The following CHST15 variants were observed in gnomAD, a reference collection of about 807,000 sequenced individuals.
The protein encoded by CHST15 is B cell RAG associated protein (GALNAC4S-6ST).
A neutral mutation model predicts 53.6 loss-of-function variants in CHST15; 30 were observed. The observed-to-expected ratio is 0.56, with a 90% CI of 0.42 to 0.76. The LOEUF is 0.76. Among genes scored for constraint, CHST15 ranks in the 30% least tolerant of loss-of-function variants. The pLI, the probability that CHST15 is intolerant of heterozygous loss-of-function variation, is 0.00. For synonymous variants in CHST15, 296 were observed against 289.8 expected, an observed-to-expected ratio of 1.02 and a Z score of -0.22; for missense variants, 627 against 740.5, an observed-to-expected ratio of 0.85 and a Z score of 1.78.
intron 4 of CHST15, among the ~76,000 whole-genome samples, chr10:124,040,601 A>C (rs888214474): frequency 2.6e-5 from 4 of 152,172 alleles, no homozygotes; most frequent in Non-Finnish European, 5.9e-5. Flanking sequence ...GAATCTAACA[A>C]AGAGGAAGCG....
At chr10:124,015,190 AG>A (rs769580867) in intron 6 of CHST15, among the ~76,000 whole-genome samples, 3 of 152,218 alleles carry the variant, frequency 2.0e-5, no homozygotes, top group Non-Finnish European at 2.9e-5. Context: ...CCATGAAGAC[AG>A]GACAAAGACA....
intron 1 of CHST15, among the ~76,000 whole-genome samples, chr10:124,085,450 T>C (rs1046222041): frequency 3.3e-5 from 5 of 152,226 alleles, no homozygotes; most frequent in African/African-American, 4.8e-5. Context: ...CTCGACTCCT[T>C]GGGAAATTGA....
In CHST15 at chr10:124,020,267, C is replaced by T. The variant is rs145365662; in HGVS notation, c.1347+989G>A. The T allele has an allele frequency of 8.6e-5, 85 of 985,538 alleles. 1 individual carries two copies. In the Admixed American group the frequency reaches 4.4e-3, roughly 51 times the overall value. The allele number at this position is 985,538 out of a possible 1,614,324, so 61.0% of individuals were successfully genotyped here. A position where few individuals can be genotyped will look rare whatever the true frequency, so the allele number is the denominator to read the frequency against. ...AGTCTCAGAAAGGCTGAGACAACTGCCTAGAGTCACAGAGCCAGCAAATGG... is the reference window on the plus strand; with the variant it reads ...AGTCTCAGAAAGGCTGAGACAACTGTCTAGAGTCACAGAGCCAGCAAATGG... On this transcript the variant is annotated intron_variant, in intron 6 of 7. Coordinates refer to ENST00000435907, the MANE Select transcript of CHST15 (RefSeq NM_001270764.2).
chr10:124,068,512 G>A (rs2134144351), intron 1 of CHST15, among the ~76,000 whole-genome samples: 1 of 152,274 alleles, frequency 6.6e-6, no homozygotes, highest in Admixed American at 6.5e-5. Context: ...GATGGGCCGG[G>A]TACATGTCCA....
chr10:124,057,868 ACAG>A (rs1164825857), intron 1 of CHST15, among the ~76,000 whole-genome samples: 3 of 152,102 alleles, frequency 2.0e-5, no homozygotes, highest in African/African-American at 7.2e-5. Flanking sequence ...TGGGCCAAAC[ACAG>A]CAGATGTCCC....
At position 124,021,294 on chromosome 10, in the gene CHST15, C is replaced by T. The variant is rs779887614; in HGVS notation, c.1309G>A (p.Ala437Thr). ...TTGAGGGTGTTGTTGTAGACGCAGGCGCGCAGTGAATAATCAAGCATGCAA... is the reference window on the plus strand; with the variant it reads ...TTGAGGGTGTTGTTGTAGACGCAGGTGCGCAGTGAATAATCAAGCATGCAA... ...ENCMLDYSLR[A>T]CVYNNTLNNA... The change falls in exon 6 of 8, where the codon GCC becomes ACC. Residue 437 changes from alanine (A) to threonine (T), a missense_variant. By Grantham distance (58) the Ala-to-Thr change is moderately conservative. This residue lies in a region of CHST15 where 279 missense variants were observed against 371.6 expected (regional missense o/e 0.75). Transcript: ENST00000435907. The T allele has an allele frequency of 1.6e-5, 25 of 1,611,686 alleles. No individual in the cohort carries two copies. The highest frequency in any genetic ancestry group is 6.7e-5 in the Admixed American group (4 of 59,810).
intron 1 of CHST15, among the ~76,000 whole-genome samples, chr10:124,086,634 G>A (rs570662247): frequency 2.0e-5 from 3 of 151,322 alleles, no homozygotes; most frequent in African/African-American, 4.9e-5. Context: ...AACAGCCATC[G>A]CATGTGGATT....
intron 1 of CHST15, among the ~76,000 whole-genome samples, chr10:124,067,269 C>T (rs1303248131): frequency 1.3e-5 from 2 of 152,260 alleles, no homozygotes; most frequent in East Asian, 1.9e-4. Flanking sequence ...TCACATCATT[C>T]GTGGAAATCT....
At chr10:124,070,438 G>C (rs752336313) in intron 1 of CHST15, among the ~76,000 whole-genome samples, 5 of 152,176 alleles carry the variant, frequency 3.3e-5, no homozygotes, top group Non-Finnish European at 5.9e-5. Flanking sequence ...GAGTGCAGTG[G>C]CTCGATCTCG....
At chr10:124,040,491 GAACCTCTTGTGTGACTCTAGCTGTCAAA>G (rs1313213486) in intron 4 of CHST15, among the ~76,000 whole-genome samples, 1 of 152,180 alleles carries the variant, frequency 6.6e-6, no homozygotes, top group Non-Finnish European at 1.5e-5. Flanking sequence ...CTTGAATCCT[GAACCTCTTGTGTGACTCTAGCTGTCAAA>G]AAGACAGCAG....
At chr10:124,064,535 C>T (rs573939751) in intron 1 of CHST15, among the ~76,000 whole-genome samples, 3 of 152,282 alleles carry the variant, frequency 2.0e-5, no homozygotes, top group African/African-American at 7.2e-5. Flanking sequence ...ACCACGAGAT[C>T]ATGAAACAAC....
At chr10:124,084,530 G>A (rs1254591302) in intron 1 of CHST15, among the ~76,000 whole-genome samples, 4 of 151,998 alleles carry the variant, frequency 2.6e-5, no homozygotes, top group Non-Finnish European at 4.4e-5. Context: ...AGAACAGGCC[G>A]AGGCCAGACC....
chr10:124,042,575 GC>G, intron 3 of CHST15, 128 bp from the exon 4 acceptor site: 1 of 1,027,112 alleles, frequency 9.7e-7, no homozygotes, highest in Non-Finnish European at 1.4e-6. Flanking sequence ...AAGAGGCTCA[GC>G]CCAGGTAAGC....
rs1946900255 is a variant in CHST15 at position 124,024,101 on chromosome 10, T to C, written c.1191-2689A>G. ...CTCAGGTGATCCACCCACCTCAGCC[T>C]CCCAAAGTGCTGGGATTACGGGCGT... On this transcript the variant is annotated intron_variant, in intron 5 of 7. Coordinates refer to ENST00000435907, the MANE Select transcript of CHST15 (RefSeq NM_001270764.2). The surrounding 1 kb of genome is among the most constrained non-coding windows in gnomAD (Gnocchi z 4.0). Among the ~76,000 whole-genome samples the C allele has an allele frequency of 6.6e-6, 1 of 152,122 alleles. No individual in the cohort carries two copies. The highest frequency in any genetic ancestry group is 1.5e-5 in the Non-Finnish European group (1 of 68,012).
intron 1 of CHST15, among the ~76,000 whole-genome samples, chr10:124,057,057 C>G (rs1948409410): frequency 6.6e-6 from 1 of 152,242 alleles, no homozygotes; most frequent in African/African-American, 2.4e-5. Context: ...TTCAGAGCAG[C>G]AAAGGAGGGA....
At chr10:124,015,479 C>T (rs192141382) in intron 6 of CHST15, among the ~76,000 whole-genome samples, 202 of 152,108 alleles carry the variant, frequency 1.3e-3, no homozygotes, top group Admixed American at 2.5e-3. Context: ...TGGAGCTTGT[C>T]CCCCATGCAG....
chr10:124,082,011 A>G (rs1949261591), intron 1 of CHST15, among the ~76,000 whole-genome samples: 1 of 152,212 alleles, frequency 6.6e-6, no homozygotes, highest in Non-Finnish European at 1.5e-5. Context: ...AGAACTAGAA[A>G]GATGCTGGCG....
intron 5 of CHST15, among the ~76,000 whole-genome samples, chr10:124,029,521 G>C (rs1318927749): frequency 6.6e-6 from 1 of 152,164 alleles, no homozygotes; most frequent in African/African-American, 2.4e-5. Context: ...CAATCACAGG[G>C]CCCCGGTAAC....
At chr10:124,012,297 T>C in intron 7 of CHST15, 36 bp downstream of exon 7, 2 of 1,595,508 alleles carry the variant, frequency 1.3e-6, no homozygotes, top group Non-Finnish European at 1.7e-6. Flanking sequence ...ACGGAGCTCA[T>C]GCTTTGGCCC....
Sources: allele counts gnomAD v4.1 joint callset (sites outside exome capture counted in the v4.1 genomes callset), GRCh38; gene constraint gnomAD v4.1.1; regional missense constraint gnomAD v4.1.1; non-coding constraint Gnocchi (gnomAD v3.1); transcripts MANE v1.5; gene names NCBI Gene and HGNC (gene_info 2026-07-23, HGNC 2026-07-21).